EDIL3: variants seen among roughly 807,000 people sequenced by gnomAD.
EDIL3 encodes the protein EGF-like repeat and discoidin I-like domain-containing protein 3.
In EDIL3, 37 loss-of-function variants were observed where a neutral mutation model predicts 67.4. The observed-to-expected ratio is 0.55, with a 90% confidence interval of 0.42 to 0.72. EDIL3 has a LOEUF of 0.72. EDIL3 is among the 30% of genes least tolerant of loss of function. The pLI is 0.00. For missense variants in EDIL3, 527 were observed against 586.3 expected, an observed-to-expected ratio of 0.90 and a Z score of 1.04; for synonymous variants, 195 against 196.3, an observed-to-expected ratio of 0.99 and a Z score of 0.05.
intron 9 of EDIL3, among the ~76,000 whole-genome samples, chr5:83,992,523 A>G (rs1745169075): frequency 6.6e-6 from 1 of 152,202 alleles, no homozygotes; most frequent in South Asian, 2.1e-4. Context: ...GAGGAAGAGA[A>G]GAAGGCAAGC....
intron 9 of EDIL3, among the ~76,000 whole-genome samples, chr5:84,030,945 T>C (rs947624610): frequency 6.6e-6 from 1 of 152,098 alleles, no homozygotes; most frequent in Non-Finnish European, 1.5e-5. Flanking sequence ...TTTCTCACAG[T>C]GCTGGATGGA....
intron 1 of EDIL3, among the ~76,000 whole-genome samples, chr5:84,351,452 G>T (rs1747360345): frequency 6.6e-6 from 1 of 152,168 alleles, no homozygotes; most frequent in African/African-American, 2.4e-5. Flanking sequence ...AAGCAAAACA[G>T]TGAATTGGGC....
At chr5:84,008,257 T>C (rs1050835736) in intron 9 of EDIL3, among the ~76,000 whole-genome samples, 1 of 152,098 alleles carries the variant, frequency 6.6e-6, no homozygotes, top group East Asian at 1.9e-4. Flanking sequence ...CAATAATTTA[T>C]TGTACATTTA....
At chr5:84,165,981 G>A (rs1748696405) in intron 4 of EDIL3, among the ~76,000 whole-genome samples, 1 of 151,940 alleles carries the variant, frequency 6.6e-6, no homozygotes, top group African/African-American at 2.4e-5. Context: ...ATCTTTTCTT[G>A]CTTCTGCCTC....
chr5:84,106,978 C>T (rs1747478176), intron 5 of EDIL3, 148 bp from the exon 6 acceptor site: 5 of 857,988 alleles, frequency 5.8e-6, no homozygotes, highest in African/African-American at 1.7e-5. Flanking sequence ...GATCTGTTAT[C>T]GATCTCTAAA....
chr5:84,296,979 G>A lies in EDIL3; in HGVS notation c.68-42767C>T, dbSNP rs974593628. Reference sequence around the variant, plus strand: ...GGGCGGATCACGAGGTCAGGAGATCGAGACCATCCTGGCTAATATGGTGAA... The same window carrying A: ...GGGCGGATCACGAGGTCAGGAGATCAAGACCATCCTGGCTAATATGGTGAA... On this transcript the variant is annotated intron_variant, in intron 1 of 10. Coordinates refer to ENST00000296591, the MANE Select transcript of EDIL3 (RefSeq NM_005711.5). 5.9e-5 allele frequency among the ~76,000 whole-genome samples: 9 copies of A among 152,066 alleles called. No individual in the cohort carries two copies. In the East Asian group the frequency reaches 7.7e-4, roughly 13 times the overall value.
At chr5:84,344,853 G>A (rs1006643409) in intron 1 of EDIL3, among the ~76,000 whole-genome samples, 2 of 152,002 alleles carry the variant, frequency 1.3e-5, no homozygotes, top group African/African-American at 2.4e-5. Flanking sequence ...AATAAATCAT[G>A]TACTCTGTCA....
chr5:84,137,093 A>T, intron 5 of EDIL3, 148 bp downstream of exon 5: 1 of 578,502 alleles, frequency 1.7e-6, no homozygotes, highest in Admixed American at 3.8e-5. Flanking sequence ...CTCTGAAGGC[A>T]AATAATATTG....
At chr5:84,035,397 G>A (rs1361119625) in intron 9 of EDIL3, among the ~76,000 whole-genome samples, 1 of 151,946 alleles carries the variant, frequency 6.6e-6, no homozygotes, top group African/African-American at 2.4e-5. Context: ...TTTTTAGCTA[G>A]TGGATTAAGC....
At chr5:84,080,561 A>G (rs1209460660) in intron 6 of EDIL3, among the ~76,000 whole-genome samples, 1 of 152,072 alleles carries the variant, frequency 6.6e-6, no homozygotes, top group African/African-American at 2.4e-5. Context: ...TCAAGTTGTG[A>G]TTGTTATTCT....
chr5:84,285,595 A>C (rs1311883781), intron 1 of EDIL3, among the ~76,000 whole-genome samples: 2 of 152,260 alleles, frequency 1.3e-5, no homozygotes. Context: ...GTTCATACTT[A>C]AGTGAGACAA....
At chr5:84,211,559 CCTT>C (rs1320293713) in intron 3 of EDIL3, among the ~76,000 whole-genome samples, 2 of 151,996 alleles carry the variant, frequency 1.3e-5, no homozygotes, top group African/African-American at 2.4e-5. Flanking sequence ...TAACAAGTGT[CCTT>C]CTAAGAAACA....
intron 2 of EDIL3, among the ~76,000 whole-genome samples, chr5:84,233,899 G>T (rs189670624): frequency 0.013 from 2,048 of 152,264 alleles, 23 homozygotes; most frequent in Middle Eastern, 0.027. Flanking sequence ...CTGCTCAAAG[G>T]CAGAGTGCAG....
chr5:84,040,604 T>C lies in EDIL3; in HGVS notation c.1137+19696A>G, dbSNP rs936009721. ...CTCATAAATTTTAGATTTGATTCTATATATGGATGTTTAATACACTTTATT... is the reference window on the plus strand; with the variant it reads ...CTCATAAATTTTAGATTTGATTCTACATATGGATGTTTAATACACTTTATT... On this transcript the variant is annotated intron_variant, in intron 9 of 10. Coordinates refer to ENST00000296591, the MANE Select transcript of EDIL3 (RefSeq NM_005711.5). Among the ~76,000 whole-genome samples the C allele has an allele frequency of 3.3e-5, 5 of 151,522 alleles. No individual in the cohort carries two copies. In the East Asian group the frequency reaches 7.7e-4, roughly 23 times the overall value.
chr5:84,090,858 G>A (rs1294142521), intron 6 of EDIL3, among the ~76,000 whole-genome samples: 2 of 151,744 alleles, frequency 1.3e-5, no homozygotes, highest in African/African-American at 4.8e-5. Context: ...TGAGGCAGGA[G>A]AATCGCTTGA....
chr5:84,192,202 A>G (rs1743604804), intron 3 of EDIL3, among the ~76,000 whole-genome samples: 1 of 151,936 alleles, frequency 6.6e-6, no homozygotes, highest in Non-Finnish European at 1.5e-5. Flanking sequence ...CCAATAAACT[A>G]TATTATTGGG....
At chr5:84,245,140 T>G (rs1744881060) in intron 2 of EDIL3, among the ~76,000 whole-genome samples, 1 of 152,238 alleles carries the variant, frequency 6.6e-6, no homozygotes, top group African/African-American at 2.4e-5. Flanking sequence ...TTTTATTAAC[T>G]AAACTCTTCA....
intron 2 of EDIL3, among the ~76,000 whole-genome samples, chr5:84,253,274 A>G (rs761774296): frequency 1.3e-5 from 2 of 152,214 alleles, no homozygotes; most frequent in South Asian, 2.1e-4. Flanking sequence ...TTGGTTTCCT[A>G]TAATGAACAG....
intron 6 of EDIL3, among the ~76,000 whole-genome samples, chr5:84,075,486 A>C (rs574876224): frequency 4.0e-4 from 60 of 150,878 alleles, no homozygotes; most frequent in East Asian, 3.7e-3. Context: ...TCTTCTTCTT[A>C]TTATTTTGAG....
Sources: gnomAD v4.1 joint callset for allele counts (sites outside exome capture counted in the v4.1 genomes callset) on GRCh38, gnomAD v4.1.1 for gene constraint, MANE v1.5 for transcripts, NCBI Gene and HGNC (gene_info 2026-07-23, HGNC 2026-07-21) for gene names.